TPRG1: variants seen among roughly 807,000 people sequenced by gnomAD.
The protein encoded by TPRG1 is tumor protein p63 regulated 1.
In TPRG1, 29 loss-of-function variants were observed where a neutral mutation model predicts 29.3. The observed-to-expected ratio is 0.99, with a 90% CI of 0.74 to 1.35. TPRG1 has a LOEUF of 1.35. Among genes scored for constraint, TPRG1 ranks in the 40% most tolerant of loss-of-function variants. The probability of loss-of-function intolerance (pLI) is 0.00; values close to 1 mark genes in which losing one functional copy is unlikely to be tolerated. For missense variants in TPRG1, 327 were observed against 335.0 expected, an observed-to-expected ratio of 0.98 and a Z score of 0.19; for synonymous variants, 130 against 116.8, an observed-to-expected ratio of 1.11 and a Z score of -0.73.
intron 1 of TPRG1, among the ~76,000 whole-genome samples, chr3:189,196,204 A>C (rs1293445530): frequency 6.6e-6 from 1 of 152,180 alleles, no homozygotes; most frequent in African/African-American, 2.4e-5. Context: ...TATTTGTAAA[A>C]TGAAGATGTT....
rs867820006 is a variant in TPRG1 at position 188,999,427 on chromosome 3, C to A, written c.-1015-1347C>A. Among the ~76,000 whole-genome samples the A allele has an allele frequency of 2.6e-4, 40 of 152,168 alleles. 1 individual carries two copies. The highest frequency in any genetic ancestry group is 1.3e-4 in the Admixed American group (2 of 15,268). ...CATTCTGAAGTAAGCAAAGCATTTT[C>A]CTATGACATTACATATTTCTCCACC... On this transcript the variant is annotated intron_variant, in intron 1 of 10. Coordinates refer to the TPRG1 transcript ENST00000433971.
At chr3:189,222,646 G>T (rs1259311092) in intron 3 of TPRG1, among the ~76,000 whole-genome samples, 2 of 152,136 alleles carry the variant, frequency 1.3e-5, no homozygotes, top group Non-Finnish European at 2.9e-5. Flanking sequence ...TAAAATTTGA[G>T]AAGTATACTG....
chr3:188,998,812 TGAGG>T (rs1415530258), intron 1 of TPRG1, among the ~76,000 whole-genome samples: 2 of 152,158 alleles, frequency 1.3e-5, no homozygotes, highest in South Asian at 2.1e-4. Context: ...TACCAGAGGC[TGAGG>T]GGGTGTGGGA....
At chr3:189,149,174 C>T (rs1321708612) in intron 4 of TPRG1, among the ~76,000 whole-genome samples, 3 of 152,080 alleles carry the variant, frequency 2.0e-5, no homozygotes, top group Non-Finnish European at 1.5e-5. Context: ...TGACCTGGTC[C>T]CTGGCCCCTA....
chr3:189,108,631 A>G (rs1339333498), intron 1 of TPRG1, among the ~76,000 whole-genome samples: 1 of 151,608 alleles, frequency 6.6e-6, no homozygotes, highest in Non-Finnish European at 1.5e-5. Flanking sequence ...CACTTAGTTC[A>G]CACATTATTC....
chr3:189,264,238 A>G (rs1438040690), intron 4 of TPRG1, among the ~76,000 whole-genome samples: 1 of 152,180 alleles, frequency 6.6e-6, no homozygotes, highest in African/African-American at 2.4e-5. Flanking sequence ...TGGTTAACCA[A>G]GATTTTATAA....
chr3:189,060,042 G>C (rs1560420492), intron 4 of TPRG1, among the ~76,000 whole-genome samples: 1 of 152,146 alleles, frequency 6.6e-6, no homozygotes, highest in Non-Finnish European at 1.5e-5. Context: ...AGACCAACCT[G>C]ACCAACCTGG....
intron 5 of TPRG1, among the ~76,000 whole-genome samples, chr3:189,152,012 A>C (rs1725999315): frequency 6.6e-6 from 1 of 152,142 alleles, no homozygotes; most frequent in African/African-American, 2.4e-5. Context: ...ATCAGGCCTT[A>C]CAGAACCTGG....
At chr3:189,255,670 G>C (rs1199382870) in intron 4 of TPRG1, among the ~76,000 whole-genome samples, 1 of 152,130 alleles carries the variant, frequency 6.6e-6, no homozygotes, top group African/African-American at 2.4e-5. Flanking sequence ...TTTTTGGTCT[G>C]TAAGTCATTA....
intron 3 of TPRG1, among the ~76,000 whole-genome samples, chr3:189,215,809 G>C (rs1367362500): frequency 6.6e-6 from 1 of 152,124 alleles, no homozygotes; most frequent in East Asian, 1.9e-4. Flanking sequence ...CTTTGAATTT[G>C]ATCTTATATA....
At chr3:189,177,559 G>A (rs1729656045) in intron 1 of TPRG1, among the ~76,000 whole-genome samples, 1 of 151,562 alleles carries the variant, frequency 6.6e-6, no homozygotes, top group South Asian at 2.1e-4. Flanking sequence ...TCACAGCAAT[G>A]AAATCAAATG....
At chr3:189,242,519 CT>C (rs1409268952) in intron 4 of TPRG1, among the ~76,000 whole-genome samples, 7 of 151,992 alleles carry the variant, frequency 4.6e-5, no homozygotes, top group Non-Finnish European at 7.4e-5. Context: ...ATTTAGTTTG[CT>C]AATATTTTAT....
chr3:189,082,498 T>C (rs1210153100), intron 4 of TPRG1, among the ~76,000 whole-genome samples: 1 of 152,218 alleles, frequency 6.6e-6, no homozygotes, highest in East Asian at 1.9e-4. Flanking sequence ...CTCCCAACTC[T>C]TGAAGGCTAT....
In TPRG1 at chr3:189,321,564, A is replaced by G. The variant is rs1724321358; in HGVS notation, c.*744A>G. On this transcript the variant is annotated 3_prime_UTR_variant, in exon 6 of 6. Coordinates refer to ENST00000345063, the MANE Select transcript of TPRG1 (RefSeq NM_198485.4). Reference sequence around the variant, plus strand: ...AATTGTTCATGTATTCCTCCTTTCCATTCTTATAGCTGTATTATTAGATCA... The same window carrying G: ...AATTGTTCATGTATTCCTCCTTTCCGTTCTTATAGCTGTATTATTAGATCA... 6.6e-6 allele frequency: 1 copy of G among 151,986 alleles called. No individual in the cohort carries two copies. The highest frequency in any genetic ancestry group is 6.6e-5 in the Admixed American group (1 of 15,226). 9.4% of individuals were successfully genotyped at this position (151,986 alleles called of 1,614,324 possible). A position where few individuals can be genotyped will look rare whatever the true frequency, so the allele number is the denominator to read the frequency against.
At chr3:189,017,854 A>G (rs2152123860) in intron 3 of TPRG1, among the ~76,000 whole-genome samples, 1 of 152,138 alleles carries the variant, frequency 6.6e-6, no homozygotes, top group South Asian at 2.1e-4. Flanking sequence ...CAACAGTGTA[A>G]AAGTGTTCCT....
At chr3:189,064,965 G>T (rs1208190945) in intron 4 of TPRG1, among the ~76,000 whole-genome samples, 1 of 152,130 alleles carries the variant, frequency 6.6e-6, no homozygotes, top group Non-Finnish European at 1.5e-5. Context: ...GAGATGGGAG[G>T]ATTGCTTGAG....
chr3:189,108,322 A>G (rs933877074), intron 1 of TPRG1, among the ~76,000 whole-genome samples: 1 of 152,154 alleles, frequency 6.6e-6, no homozygotes, highest in African/African-American at 2.4e-5. Context: ...AACTTATAGA[A>G]CATGGAGATT....
At chr3:189,017,517 A>T (rs200978941) in intron 3 of TPRG1, among the ~76,000 whole-genome samples, 1 of 152,124 alleles carries the variant, frequency 6.6e-6, no homozygotes, top group African/African-American at 2.4e-5. Flanking sequence ...ACTGAGAATG[A>T]TGATTTCCAG....
intron 1 of TPRG1, among the ~76,000 whole-genome samples, chr3:189,172,775 A>T (rs1728981210): frequency 6.6e-6 from 1 of 152,226 alleles, no homozygotes; most frequent in Non-Finnish European, 1.5e-5. Flanking sequence ...GAAAGGTGAT[A>T]GGCAAATGAG....
Sources: gnomAD v4.1 joint callset for allele counts (sites outside exome capture counted in the v4.1 genomes callset) on GRCh38, gnomAD v4.1.1 for gene constraint, MANE v1.5 for transcripts, NCBI Gene and HGNC (gene_info 2026-07-23, HGNC 2026-07-21) for gene names.